Variants in SLC24A2 observed in about 807,000 individuals in gnomAD.
The protein encoded by SLC24A2 is solute carrier family 24 member 2.
A neutral mutation model predicts 62.0 loss-of-function variants in SLC24A2; 36 were observed. The observed-to-expected ratio is 0.58, with a 90% CI of 0.44 to 0.77. The LOEUF is 0.77. Among genes scored for constraint, SLC24A2 ranks in the 30% least tolerant of loss-of-function variants. SLC24A2 has a pLI of 0.00. For missense variants in SLC24A2, 846 were observed against 817.9 expected, an observed-to-expected ratio of 1.03 and a Z score of -0.42; for synonymous variants, 358 against 294.0, an observed-to-expected ratio of 1.22 and a Z score of -2.23.
At chr9:19,839,003 A>C in the SLC24A2 span, among the ~76,000 whole-genome samples, 2 of 152,176 alleles carry the variant, frequency 1.3e-5, no homozygotes, top group African/African-American at 4.8e-5. Flanking sequence ...TGACAAAGGG[A>C]TAATATCCAG....
Position 19,508,445 on chromosome 9 carries a change from G to C in SLC24A2, c.*7708C>G, listed in dbSNP as rs541510573. The C allele has an allele frequency of 1.3e-5, 2 of 152,148 alleles. No homozygotes were observed. The highest frequency in any genetic ancestry group is 4.8e-5 in the African/African-American group (2 of 41,430). 9.4% of individuals were successfully genotyped at this position (152,148 alleles called of 1,614,324 possible). On this transcript the variant is annotated 3_prime_UTR_variant, in exon 11 of 11. Coordinates refer to ENST00000341998, the MANE Select transcript of SLC24A2 (RefSeq NM_020344.4). ...TCTATATGGACAATTTAGGTACCCA[G>C]TTCTGGTGGATTTCTAGACTATTAA... is the stretch of plus-strand genomic sequence containing the variant.
the SLC24A2 span, among the ~76,000 whole-genome samples, chr9:20,067,556 T>G: frequency 6.6e-6 from 1 of 152,168 alleles, no homozygotes; most frequent in Non-Finnish European, 1.5e-5. Context: ...CATCTAGTAG[T>G]CCACAGTATC....
At chr9:19,675,185 G>A (rs949634399) in intron 2 of SLC24A2, among the ~76,000 whole-genome samples, 1 of 152,154 alleles carries the variant, frequency 6.6e-6, no homozygotes, top group African/African-American at 2.4e-5. Flanking sequence ...GGGGGTGTCT[G>A]CAAAGAGTCC....
At chr9:19,991,378 G>A in the SLC24A2 span, among the ~76,000 whole-genome samples, 1 of 152,116 alleles carries the variant, frequency 6.6e-6, no homozygotes, top group Non-Finnish European at 1.5e-5. Context: ...ATGTTCTTCT[G>A]CCTGCTTTTA....
chr9:20,026,923 C>A, the SLC24A2 span, among the ~76,000 whole-genome samples: 4 of 152,156 alleles, frequency 2.6e-5, no homozygotes, highest in South Asian at 8.3e-4. Flanking sequence ...AACTATCCAT[C>A]TGACCAAGGG....
chr9:19,752,423 G>A (rs1445648847), intron 2 of SLC24A2, among the ~76,000 whole-genome samples: 2 of 150,134 alleles, frequency 1.3e-5, no homozygotes, highest in African/African-American at 4.9e-5. Context: ...CCCTATGACT[G>A]GAGAAAAGAG....
chr9:19,708,702 T>C (rs958397580), intron 2 of SLC24A2, among the ~76,000 whole-genome samples: 1 of 152,154 alleles, frequency 6.6e-6, no homozygotes, highest in Non-Finnish European at 1.5e-5. Flanking sequence ...TGGCTAGCCA[T>C]ATGGAGAAAG....
the SLC24A2 span, among the ~76,000 whole-genome samples, chr9:20,149,624 T>C: frequency 1.3e-5 from 2 of 152,214 alleles, no homozygotes; most frequent in South Asian, 4.1e-4. Flanking sequence ...TGTGTTCTAA[T>C]AAAATATTTT....
At chr9:20,283,445 G>A in the SLC24A2 span, among the ~76,000 whole-genome samples, 2 of 152,152 alleles carry the variant, frequency 1.3e-5, no homozygotes, top group Non-Finnish European at 2.9e-5. Flanking sequence ...TCCTCCTCCA[G>A]TCGGGCCTCT....
the SLC24A2 span, among the ~76,000 whole-genome samples, chr9:20,244,030 C>T: frequency 3.3e-5 from 5 of 152,136 alleles, no homozygotes; most frequent in South Asian, 2.1e-4. Context: ...TGTGAAACTG[C>T]GCTGGCTTCA....
At chr9:20,219,959 C>A in the SLC24A2 span, among the ~76,000 whole-genome samples, 1 of 152,060 alleles carries the variant, frequency 6.6e-6, no homozygotes, top group Non-Finnish European at 1.5e-5. Flanking sequence ...TCCTACCTAC[C>A]ATACAGGGTT....
chr9:19,916,992 T>TG, the SLC24A2 span, among the ~76,000 whole-genome samples: 1 of 148,172 alleles, frequency 6.7e-6, no homozygotes, highest in Non-Finnish European at 1.5e-5. Context: ...TTTTTTTTTT[T>TG]TTTTTTTTTT....
the SLC24A2 span, among the ~76,000 whole-genome samples, chr9:19,994,807 C>T: frequency 6.6e-6 from 1 of 152,202 alleles, no homozygotes; most frequent in Non-Finnish European, 1.5e-5. Context: ...TGCCCTAGAA[C>T]CAGCTTATGC....
At chr9:19,559,848 A>T (rs1835304508) in intron 7 of SLC24A2, among the ~76,000 whole-genome samples, 1 of 152,214 alleles carries the variant, frequency 6.6e-6, no homozygotes, top group South Asian at 2.1e-4. Context: ...CATACTAATG[A>T]CCTTCCTTAT....
intron 9 of SLC24A2, among the ~76,000 whole-genome samples, chr9:19,523,058 C>T (rs141449297): frequency 9.2e-5 from 14 of 152,282 alleles, no homozygotes; most frequent in East Asian, 7.7e-4. Context: ...ATGCCATGCA[C>T]GGTAGTTCCA....
intron 2 of SLC24A2, among the ~76,000 whole-genome samples, chr9:19,738,956 A>C (rs1239306156): frequency 6.6e-6 from 1 of 152,142 alleles, no homozygotes; most frequent in Non-Finnish European, 1.5e-5. Context: ...ACCTCTACTA[A>C]TAATACAAAA....
chr9:19,547,070 G>C (rs1834615625), intron 8 of SLC24A2, among the ~76,000 whole-genome samples: 1 of 152,110 alleles, frequency 6.6e-6, no homozygotes, highest in Non-Finnish European at 1.5e-5. Flanking sequence ...GTTCCTATTT[G>C]GCCATCTTGC....
At chr9:19,715,532 T>C (rs1820833836) in intron 2 of SLC24A2, among the ~76,000 whole-genome samples, 2 of 152,186 alleles carry the variant, frequency 1.3e-5, no homozygotes, top group Admixed American at 1.3e-4. Context: ...CTCAGATACC[T>C]CTGTGCTAAG....
chr9:20,206,716 T>C, the SLC24A2 span, among the ~76,000 whole-genome samples: 1 of 152,234 alleles, frequency 6.6e-6, no homozygotes, highest in East Asian at 1.9e-4. Flanking sequence ...TCCTGCCTCA[T>C]GATCTGCTCG....
Sources: gnomAD v4.1 joint callset for allele counts (sites outside exome capture counted in the v4.1 genomes callset) on GRCh38, gnomAD v4.1.1 for gene constraint, MANE v1.5 for transcripts, NCBI Gene and HGNC (gene_info 2026-07-23, HGNC 2026-07-21) for gene names.